The following TNIK variants were observed in gnomAD, a reference collection of about 807,000 sequenced individuals.
TNIK encodes the protein TRAF2 and NCK-interacting protein kinase.
Under a neutral mutation model 191.3 loss-of-function variants are expected in TNIK, and 49 were observed. The observed-to-expected ratio is 0.26, with a 90% CI of 0.20 to 0.32. TNIK has a LOEUF of 0.32. Ranked by LOEUF, TNIK falls within the 10% of genes least tolerant of loss-of-function variation. The probability of loss-of-function intolerance (pLI) is 1.00; values close to 1 mark genes in which losing one functional copy is unlikely to be tolerated. For missense variants in TNIK, 1,155 were observed against 1,702.3 expected, an observed-to-expected ratio of 0.68 and a Z score of 5.66; for synonymous variants, 594 against 600.9, an observed-to-expected ratio of 0.99 and a Z score of 0.17.
At chr3:171,239,263 T>C (rs9857839) in intron 2 of TNIK, among the ~76,000 whole-genome samples, 15,679 of 152,210 alleles carry the variant, frequency 0.1, 2,713 homozygotes, top group African/African-American at 0.35. Context: ...AGTTTTAAGC[T>C]AAAAATGTAA....
intron 2 of TNIK, among the ~76,000 whole-genome samples, chr3:171,329,519 G>C (rs956135344): frequency 7.2e-5 from 11 of 152,104 alleles, no homozygotes; most frequent in African/African-American, 2.7e-4. Flanking sequence ...TATAAAATGA[G>C]CATAAAAATT....
intron 1 of TNIK, among the ~76,000 whole-genome samples, chr3:171,413,000 T>C (rs1264385951): frequency 2.0e-5 from 3 of 152,198 alleles, no homozygotes; most frequent in Non-Finnish European, 4.4e-5. Context: ...AACTATACCT[T>C]GGCGAGAATT....
At chr3:171,279,777 A>T (rs1750214548) in intron 2 of TNIK, among the ~76,000 whole-genome samples, 1 of 152,154 alleles carries the variant, frequency 6.6e-6, no homozygotes, top group East Asian at 1.9e-4. Flanking sequence ...GGGTATTATG[A>T]TCATCTCCAT....
chr3:171,381,638 G>C lies in TNIK; in HGVS notation c.58-11953C>G, dbSNP rs565452494. Among the ~76,000 whole-genome samples the C allele has an allele frequency of 2.1e-3, 322 of 152,250 alleles. 3 individuals carry two copies. The highest frequency in any genetic ancestry group is 7.4e-3 in the African/African-American group (308 of 41,554). On this transcript the variant is annotated intron_variant, in intron 1 of 32. Transcript: ENST00000436636. ...ACAAAAATTCCAATTTTATTTGGGA[G>C]GAAATGCACCCAGCTCAAAATCTAC... is the stretch of plus-strand genomic sequence containing the variant.
chr3:171,355,713 A>C (rs1713944044), intron 2 of TNIK, among the ~76,000 whole-genome samples: 1 of 152,252 alleles, frequency 6.6e-6, no homozygotes, highest in South Asian at 2.1e-4. Context: ...TGTAAGGAAA[A>C]AAGTGAATAA....
intron 2 of TNIK, among the ~76,000 whole-genome samples, chr3:171,311,506 T>C (rs1293820950): frequency 6.6e-6 from 1 of 152,118 alleles, no homozygotes; most frequent in Non-Finnish European, 1.5e-5. Flanking sequence ...GGAAACTAAG[T>C]AACTTGCTTA....
intron 2 of TNIK, among the ~76,000 whole-genome samples, chr3:171,304,259 G>A (rs548705722): frequency 6.6e-6 from 1 of 152,180 alleles, no homozygotes; most frequent in East Asian, 1.9e-4. Flanking sequence ...ATGGTGATGG[G>A]GGAAAATGGG....
At chr3:171,427,834 AGT>A (rs1310283642) in intron 1 of TNIK, among the ~76,000 whole-genome samples, 5 of 152,182 alleles carry the variant, frequency 3.3e-5, no homozygotes, top group Non-Finnish European at 7.3e-5. Context: ...CTTATAAAAG[AGT>A]GTCCTGGGAG....
intron 2 of TNIK, among the ~76,000 whole-genome samples, chr3:171,269,181 T>G (rs943069471): frequency 1.3e-5 from 2 of 152,196 alleles, no homozygotes; most frequent in African/African-American, 2.4e-5. Context: ...TTTCTTACAA[T>G]GAAAGGGAGT....
chr3:171,223,216 A>G (rs1463196644), intron 3 of TNIK, among the ~76,000 whole-genome samples: 2 of 152,160 alleles, frequency 1.3e-5, no homozygotes, highest in Non-Finnish European at 2.9e-5. Context: ...CTTGGCTGGA[A>G]TGTCCTCACC....
chr3:171,176,439 G>A (rs1735965959), intron 8 of TNIK, among the ~76,000 whole-genome samples: 4 of 152,196 alleles, frequency 2.6e-5, no homozygotes, highest in Admixed American at 2.6e-4. Flanking sequence ...GATATTACTG[G>A]GTAAATTACT....
intron 27 of TNIK, among the ~76,000 whole-genome samples, chr3:171,081,198 T>A (rs1720627773): frequency 6.6e-6 from 1 of 152,162 alleles, no homozygotes; most frequent in Non-Finnish European, 1.5e-5. Flanking sequence ...AAAAGGAATT[T>A]ACCTGGTTAA....
intron 7 of TNIK, among the ~76,000 whole-genome samples, chr3:171,184,710 A>G (rs933860647): frequency 6.6e-6 from 1 of 152,198 alleles, no homozygotes; most frequent in African/African-American, 2.4e-5. Context: ...CGGAAACTCT[A>G]CCACTAGTTA....
chr3:171,434,544 A>G (rs1725785440), intron 1 of TNIK, among the ~76,000 whole-genome samples: 1 of 151,948 alleles, frequency 6.6e-6, no homozygotes, highest in Non-Finnish European at 1.5e-5. Context: ...TGCAGCCTCA[A>G]ACTCCTGGGC....
At chr3:171,305,518 C>A (rs1267990996) in intron 2 of TNIK, among the ~76,000 whole-genome samples, 2 of 151,924 alleles carry the variant, frequency 1.3e-5, no homozygotes, top group Non-Finnish European at 1.5e-5. Flanking sequence ...AATGTACAAG[C>A]AAAACACAAA....
At chr3:171,174,051 C>T (rs11925195) in intron 9 of TNIK, among the ~76,000 whole-genome samples, 1,934 of 152,274 alleles carry the variant, frequency 0.013, 38 homozygotes, top group African/African-American at 0.044. Context: ...GAGCAGGGAA[C>T]GCTCTGCCTC....
chr3:171,373,629 C>T (rs922797409), intron 1 of TNIK, among the ~76,000 whole-genome samples: 12 of 152,176 alleles, frequency 7.9e-5, no homozygotes, highest in East Asian at 1.9e-4. Context: ...ATACAAGATA[C>T]GGTTCAAACT....
At chr3:171,353,918 T>A (rs1713612331) in intron 2 of TNIK, among the ~76,000 whole-genome samples, 1 of 152,228 alleles carries the variant, frequency 6.6e-6, no homozygotes, top group Non-Finnish European at 1.5e-5. Context: ...TCTTAAAATG[T>A]TTATTCTGGA....
At chr3:171,324,142 G>A (rs1465069479) in intron 2 of TNIK, among the ~76,000 whole-genome samples, 1 of 134,776 alleles carries the variant, frequency 7.4e-6, no homozygotes, top group African/African-American at 2.9e-5. Flanking sequence ...AATAAAATGT[G>A]AAAGAGAGGA....
Sources: gnomAD v4.1 joint callset for allele counts (sites outside exome capture counted in the v4.1 genomes callset) on GRCh38, gnomAD v4.1.1 for gene constraint, MANE v1.5 for transcripts, NCBI Gene and HGNC (gene_info 2026-07-23, HGNC 2026-07-21) for gene names.